Variants in FER observed in about 807,000 individuals in gnomAD.
FER encodes the protein tyrosine-protein kinase Fer.
A neutral mutation model predicts 111.0 loss-of-function variants in FER; 63 were observed. That is an observed-to-expected ratio of 0.57 (90% CI 0.46 to 0.70). The LOEUF (loss-of-function observed/expected upper bound fraction) is 0.70. FER is among the 30% of genes least tolerant of loss of function. The pLI is 0.00. For synonymous variants in FER, 327 were observed against 313.9 expected, an observed-to-expected ratio of 1.04 and a Z score of -0.44; for missense variants, 914 against 954.0, an observed-to-expected ratio of 0.96 and a Z score of 0.55.
intron 17 of FER, among the ~76,000 whole-genome samples, chr5:109,141,572 A>G (rs796470480): frequency 2.6e-4 from 40 of 152,344 alleles, no homozygotes; most frequent in African/African-American, 8.9e-4. Flanking sequence ...TCTTGCTACC[A>G]TGTGTCAGAA....
At chr5:109,022,809 T>TA (rs961233589) in intron 13 of FER, among the ~76,000 whole-genome samples, 1 of 151,976 alleles carries the variant, frequency 6.6e-6, no homozygotes, top group Non-Finnish European at 1.5e-5. Context: ...AAATCAACAA[T>TA]AACCAGATGC....
At chr5:108,996,645 G>T (rs1313269514) in intron 13 of FER, among the ~76,000 whole-genome samples, 1 of 152,194 alleles carries the variant, frequency 6.6e-6, no homozygotes, top group African/African-American at 2.4e-5. Context: ...CCAGTACCAT[G>T]CTGTTTTGGT....
At chr5:108,982,608 C>T (rs1762127309) in intron 13 of FER, among the ~76,000 whole-genome samples, 2 of 151,908 alleles carry the variant, frequency 1.3e-5, no homozygotes, top group African/African-American at 4.8e-5. Flanking sequence ...TTCGGTATTC[C>T]TCTTATGAAC....
chr5:109,152,984 C>G (rs896612004), intron 17 of FER, among the ~76,000 whole-genome samples: 14 of 151,440 alleles, frequency 9.2e-5, no homozygotes, highest in Non-Finnish European at 2.1e-4. Context: ...TAGAGAGTAT[C>G]AAAAAAGAGT....
chr5:108,942,677 T>C (rs1756433952), intron 10 of FER, among the ~76,000 whole-genome samples: 1 of 152,164 alleles, frequency 6.6e-6, no homozygotes, highest in Non-Finnish European at 1.5e-5. Flanking sequence ...AAACCTTAGG[T>C]TACTTACTTA....
intron 10 of FER, among the ~76,000 whole-genome samples, chr5:108,913,042 T>C (rs1382112910): frequency 2.0e-5 from 3 of 152,170 alleles, no homozygotes; most frequent in African/African-American, 7.2e-5. Context: ...GAAAATAATC[T>C]TAAGCTACTT....
chr5:108,830,118 G>A (rs914463668), intron 3 of FER, among the ~76,000 whole-genome samples: 2 of 152,172 alleles, frequency 1.3e-5, no homozygotes, highest in Non-Finnish European at 2.9e-5. Context: ...GAAGTTGGAA[G>A]GATAGATTAG....
At chr5:108,812,238 TC>T (rs1278166733) in intron 3 of FER, among the ~76,000 whole-genome samples, 5 of 152,224 alleles carry the variant, frequency 3.3e-5, no homozygotes, top group African/African-American at 1.2e-4. Context: ...TGTTATATCT[TC>T]TTGACAAATA....
intron 3 of FER, among the ~76,000 whole-genome samples, chr5:108,828,923 C>T (rs1759751867): frequency 6.6e-6 from 1 of 152,080 alleles, no homozygotes; most frequent in Non-Finnish European, 1.5e-5. Flanking sequence ...CATGGTGAGA[C>T]CCTGTCTCTA....
intron 13 of FER, among the ~76,000 whole-genome samples, chr5:108,983,761 G>C (rs186336564): frequency 6.6e-6 from 1 of 152,224 alleles, no homozygotes; most frequent in East Asian, 1.9e-4. Context: ...GATTTAAACA[G>C]CTCCTGATTT....
chr5:108,886,744 A>G (rs2150297188), intron 9 of FER, among the ~76,000 whole-genome samples: 1 of 151,800 alleles, frequency 6.6e-6, no homozygotes, highest in African/African-American at 2.4e-5. Flanking sequence ...TGTTTAACCC[A>G]ACTCTTGTTA....
intron 16 of FER, among the ~76,000 whole-genome samples, chr5:109,085,606 G>A (rs994507186): frequency 2.0e-5 from 3 of 148,070 alleles, no homozygotes; most frequent in African/African-American, 7.3e-5. Context: ...AGTAGTAAGT[G>A]CAGGCATCCT....
chr5:108,825,423 A>G (rs1029386951), intron 3 of FER, among the ~76,000 whole-genome samples: 2 of 152,238 alleles, frequency 1.3e-5, no homozygotes, highest in Non-Finnish European at 2.9e-5. Flanking sequence ...AAAGAAGAGA[A>G]ATATGGCTCT....
At chr5:109,052,501 G>T in intron 16 of FER, 1 of 869,002 alleles carries the variant, frequency 1.2e-6, no homozygotes, top group East Asian at 2.4e-5. Context: ...GTGAAGTCAC[G>T]CCAGGTGATT....
intron 5 of FER, among the ~76,000 whole-genome samples, chr5:108,839,675 T>G (rs1287794438): frequency 6.7e-6 from 1 of 150,364 alleles, no homozygotes; most frequent in Admixed American, 6.6e-5. Context: ...CCTCCCAGAT[T>G]CACGCCATTC....
At chr5:108,890,270 T>C (rs1747826076) in intron 9 of FER, among the ~76,000 whole-genome samples, 1 of 152,118 alleles carries the variant, frequency 6.6e-6, no homozygotes, top group Admixed American at 6.6e-5. Context: ...TGTTGAGTAG[T>C]GCAGTGTTCC....
At chr5:109,026,425 A>G (rs573093094) in intron 13 of FER, among the ~76,000 whole-genome samples, 22 of 150,920 alleles carry the variant, frequency 1.5e-4, no homozygotes, top group African/African-American at 4.1e-4. Context: ...ATACTTTTCA[A>G]TAAGTTTTTT....
At chr5:109,048,424 G>A (rs1285323792) in intron 16 of FER, among the ~76,000 whole-genome samples, 3 of 152,050 alleles carry the variant, frequency 2.0e-5, no homozygotes, top group Non-Finnish European at 4.4e-5. Context: ...TGAATAATAA[G>A]GAACGCCACT....
intron 13 of FER, among the ~76,000 whole-genome samples, chr5:109,001,329 A>G (rs1251514143): frequency 1.3e-5 from 2 of 152,356 alleles, no homozygotes; most frequent in African/African-American, 2.4e-5. Flanking sequence ...CTGGTTCAAC[A>G]TACGAAAATC....
Sources: allele counts gnomAD v4.1 joint callset (sites outside exome capture counted in the v4.1 genomes callset), GRCh38; gene constraint gnomAD v4.1.1; transcripts MANE v1.5; gene names NCBI Gene and HGNC (gene_info 2026-07-23, HGNC 2026-07-21).